The following GRAMD2B variants were observed in gnomAD, a reference collection of about 807,000 sequenced individuals.
GRAMD2B encodes GRAM domain containing 2B.
A neutral mutation model predicts 59.2 loss-of-function variants in GRAMD2B; 41 were observed. The ratio of observed to expected loss-of-function variants is 0.69; its 90% CI spans 0.54 to 0.90. The LOEUF is 0.90. Ranked by LOEUF, GRAMD2B falls within the 40% of genes least tolerant of loss-of-function variation. The pLI is 0.00. For missense variants in GRAMD2B, 424 were observed against 500.5 expected (o/e 0.85, Z 1.46); for synonymous variants, 161 against 182.7 (o/e 0.88, Z 0.96).
rs564966214 is a variant in GRAMD2B at position 126,397,066 on chromosome 5, G to T, written c.125+25499G>T. Among the ~76,000 whole-genome samples the T allele has an allele frequency of 1.6e-4, 24 of 152,088 alleles. No individual in the cohort carries two copies. The South Asian group carries it at 4.0e-3, about 25-fold the overall frequency. ...TCTTGTAAATTTAAGTTCCTTGTAG[G>T]TGCTGGATATTAGACCTTTGTCAGA... is the stretch of plus-strand genomic sequence containing the variant. On this transcript the variant is annotated intron_variant, in intron 1 of 8. Transcript: ENST00000506445.
At position 126,480,452 on chromosome 5, in the gene GRAMD2B, T is replaced by C. The variant is rs1298760731; in HGVS notation, c.583-4T>C. The C allele has an allele frequency of 1.2e-6, 2 of 1,601,790 alleles. No homozygotes were observed. Among genetic ancestry groups the C allele is most frequent in the Non-Finnish European group, 1.7e-6 (2 of 1,169,086 alleles). ...ATTCATAATTATCCTGTTTTGTTTT[T>C]CAGTACATATTTGTCTCCTTACTCT... On this transcript the variant is annotated splice_polypyrimidine_tract_variant and splice_region_variant and intron_variant, in intron 6 of 13. Transcript: ENST00000285689.
intron 1 of GRAMD2B, among the ~76,000 whole-genome samples, chr5:126,362,147 G>A: frequency 6.6e-6 from 1 of 152,130 alleles, no homozygotes; most frequent in Non-Finnish European, 1.5e-5. Context: ...TAAATTGCAT[G>A]TTTATGACCT....
At chr5:126,391,592 C>T (rs369737589) in intron 1 of GRAMD2B, among the ~76,000 whole-genome samples, 40 of 152,090 alleles carry the variant, frequency 2.6e-4, no homozygotes, top group African/African-American at 7.7e-4. Context: ...GTCCATGCAA[C>T]GGAATATTAT....
Position 126,467,150 on chromosome 5 carries a change from G to A in GRAMD2B, c.203+1605G>A, listed in dbSNP as rs542994117. On this transcript the variant is annotated intron_variant, in intron 2 of 13. Transcript: ENST00000285689. ...ACTAAAAATAAAAAATTAGCCGGGT[G>A]TGGTAGTGCATGCACTCAGGAGGCT... Among the ~76,000 whole-genome samples the A allele has an allele frequency of 3.1e-4, 47 of 152,190 alleles. No individual in the cohort carries two copies. In the Middle Eastern group the frequency reaches 0.01, roughly 33 times the overall value.
At chr5:126,409,183 A>G (rs1236348273) in intron 1 of GRAMD2B, among the ~76,000 whole-genome samples, 24 of 152,186 alleles carry the variant, frequency 1.6e-4, no homozygotes, top group Non-Finnish European at 7.3e-5. Flanking sequence ...CATGATTTAT[A>G]GTCCTTTGGG....
upstream of GRAMD2B, among the ~76,000 whole-genome samples, chr5:126,422,497 C>T (rs1759843883): frequency 6.6e-6 from 1 of 152,210 alleles, no homozygotes; most frequent in Non-Finnish European, 1.5e-5. Flanking sequence ...CCGTGCCTGG[C>T]CCCTGCACAG....
intron 1 of GRAMD2B, among the ~76,000 whole-genome samples, chr5:126,412,886 T>G (rs1358712725): frequency 6.6e-6 from 1 of 152,112 alleles, no homozygotes; most frequent in African/African-American, 2.4e-5. Flanking sequence ...GAGTTTAGTT[T>G]ATATGTATGG....
chr5:126,488,320 A>G lies in GRAMD2B; in HGVS notation c.1164-479A>G, dbSNP rs557220978. On this transcript the variant is annotated intron_variant, in intron 12 of 13. Transcript: ENST00000285689. Reference sequence around the variant, plus strand: ...ATGAGACAAGGGCAATTATAGTTGTATGATAAATCTCAAAGAAGAAACTAC... The same window carrying G: ...ATGAGACAAGGGCAATTATAGTTGTGTGATAAATCTCAAAGAAGAAACTAC... 4.9e-4 allele frequency among the ~76,000 whole-genome samples: 74 copies of G among 152,332 alleles called. 1 individual carries two copies. Among genetic ancestry groups the G allele is most frequent in the Middle Eastern group, 3.4e-3 (1 of 294 alleles).
At chr5:126,446,806 G>A (rs895106330) in intron 1 of GRAMD2B, among the ~76,000 whole-genome samples, 9 of 152,012 alleles carry the variant, frequency 5.9e-5, no homozygotes, top group Admixed American at 4.6e-4. Flanking sequence ...TGGGACTTGA[G>A]CTACTCTTAG....
intron 6 of GRAMD2B, among the ~76,000 whole-genome samples, chr5:126,479,300 A>T (rs1191323871): frequency 1.3e-5 from 2 of 152,114 alleles, no homozygotes; most frequent in African/African-American, 2.4e-5. Context: ...TCAGCCTCCC[A>T]AAGTGCTGGG....
chr5:126,471,864 T>G (rs1020268501), intron 3 of GRAMD2B, among the ~76,000 whole-genome samples: 1 of 152,190 alleles, frequency 6.6e-6, no homozygotes, highest in Non-Finnish European at 1.5e-5. Flanking sequence ...TTTGAACCAC[T>G]GTACTCTTCT....
At chr5:126,408,318 T>C (rs1758440662) in intron 1 of GRAMD2B, among the ~76,000 whole-genome samples, 2 of 152,106 alleles carry the variant, frequency 1.3e-5, no homozygotes, top group African/African-American at 2.4e-5. Flanking sequence ...CTATGGTATA[T>C]ATGTGCCACA....
chr5:126,466,184 T>C lies in GRAMD2B; in HGVS notation c.203+639T>C, dbSNP rs139350565. On this transcript the variant is annotated intron_variant, in intron 2 of 13. Coordinates refer to ENST00000285689, the MANE Select transcript of GRAMD2B (RefSeq NM_023927.4). ...TTATCTAAACTGAGTACAGAAATCA[T>C]TGTGGTCCTTCACCATTATTAGAAC... is the stretch of plus-strand genomic sequence containing the variant. The C allele has an allele frequency of 4.0e-4, 594 of 1,500,060 alleles. 1 individual carries two copies. Among genetic ancestry groups the C allele is most frequent in the African/African-American group, 3.8e-3 (274 of 71,848 alleles). The allele number at this position is 1,500,060 out of a possible 1,614,324, so 92.9% of individuals were successfully genotyped here.
rs1771608447 is a variant in GRAMD2B at position 126,480,914 on chromosome 5, C to A, written c.735+207C>A. 3 of 581,438 alleles carry A rather than the reference C, an allele frequency of 5.2e-6. No individual in the cohort carries two copies. The Admixed American group carries it at 9.4e-5, about 18-fold the overall frequency. 36.0% of individuals were successfully genotyped at this position (581,438 alleles called of 1,614,324 possible). On this transcript the variant is annotated intron_variant, in intron 8 of 13. Transcript: ENST00000285689. Reference sequence around the variant, plus strand: ...TCCAAGTAATTGAAGAGTTGTCCTGCAAAAAGAAAGAAACACCTAGTAGAC... The same window carrying A: ...TCCAAGTAATTGAAGAGTTGTCCTGAAAAAAGAAAGAAACACCTAGTAGAC...
At chr5:126,456,279 C>T (rs10054648) in intron 1 of GRAMD2B, among the ~76,000 whole-genome samples, 90,900 of 151,990 alleles carry the variant, frequency 0.6, 27,324 homozygotes, top group Non-Finnish European at 0.62. Flanking sequence ...GGCACAATCA[C>T]GGCTCACTGC....
chr5:126,387,537 C>T (rs1286979132), intron 1 of GRAMD2B, among the ~76,000 whole-genome samples: 1 of 150,736 alleles, frequency 6.6e-6, no homozygotes, highest in Non-Finnish European at 1.5e-5. Context: ...GCTGCTATAA[C>T]AAGAAATATA....
upstream of GRAMD2B, among the ~76,000 whole-genome samples, chr5:126,422,281 C>T (rs1759812438): frequency 6.6e-6 from 1 of 151,598 alleles, no homozygotes; most frequent in Non-Finnish European, 1.5e-5. Context: ...ACCACAACCT[C>T]CATCTCCCAG....
At chr5:126,368,876 G>A (rs1043498354), upstream of GRAMD2B, among the ~76,000 whole-genome samples, 7 of 152,098 alleles carry the variant, frequency 4.6e-5, no homozygotes, top group Admixed American at 4.6e-4. Flanking sequence ...CGTAACACCC[G>A]GCTGACTGGA....
At chr5:126,383,047 G>A (rs1169815974) in intron 1 of GRAMD2B, among the ~76,000 whole-genome samples, 3 of 152,184 alleles carry the variant, frequency 2.0e-5, no homozygotes, top group Non-Finnish European at 4.4e-5. Flanking sequence ...GTTGTGATCC[G>A]TCTTCAGGTC....
Sources: gnomAD v4.1 joint callset for allele counts (sites outside exome capture counted in the v4.1 genomes callset) on GRCh38, gnomAD v4.1.1 for gene constraint, MANE v1.5 for transcripts, NCBI Gene and HGNC (gene_info 2026-07-23, HGNC 2026-07-21) for gene names.